The following PRDM8 variants were observed in gnomAD, a reference collection of about 807,000 sequenced individuals.
The protein encoded by PRDM8 is PR domain zinc finger protein 8.
A neutral mutation model predicts 46.5 loss-of-function variants in PRDM8; 13 were observed. That is an observed-to-expected ratio of 0.28 (90% CI 0.18 to 0.44). The LOEUF (loss-of-function observed/expected upper bound fraction) is 0.44, where lower values mean the gene tolerates loss of function less well. Among genes scored for constraint, PRDM8 ranks in the 20% least tolerant of loss-of-function variants. PRDM8 has a pLI of 1.00. For missense variants in PRDM8, 998 were observed against 955.0 expected (o/e 1.04, Z -0.59); for synonymous variants, 473 against 438.4 (o/e 1.08, Z -0.98).
intron 1 of PRDM8, 43 bp from the exon 2 acceptor site, chr4:80,200,036 C>A: frequency 1.3e-6 from 2 of 1,520,732 alleles, no homozygotes; most frequent in Non-Finnish European, 1.8e-6. Context: ...GCGTTAAAAG[C>A]AGTAACATAA....
intron 1 of PRDM8, among the ~76,000 whole-genome samples, chr4:80,187,469 C>T (rs1416765033): frequency 6.6e-6 from 1 of 152,102 alleles, no homozygotes; most frequent in African/African-American, 2.4e-5. Context: ...TGCTTCTCTA[C>T]TTTGAAAGGG....
chr4:80,190,615 T>C (rs555662559), intron 1 of PRDM8, among the ~76,000 whole-genome samples: 1 of 152,350 alleles, frequency 6.6e-6, no homozygotes, highest in East Asian at 1.9e-4. Flanking sequence ...TTTGCCAACA[T>C]TGAAGTCCGT....
rs978647534 is a variant in PRDM8 at position 80,201,867 on chromosome 4, T to C, written c.452-47T>C. ...AGTAATCATGTGGTGTGCGTGTGTG[T>C]GTGTGTGTGCGTGCGTGCGTGTGTG... On this transcript the variant is annotated intron_variant, in intron 3 of 3. Transcript: ENST00000415738. 3 of 1,605,860 alleles carry C rather than the reference T, an allele frequency of 1.9e-6. No homozygotes were observed. In the African/African-American group the frequency reaches 4.1e-5, roughly 22 times the overall value.
chr4:80,198,980 GTTTTTTTTTTTTTGTTT>G (rs1477873379), intron 1 of PRDM8, among the ~76,000 whole-genome samples: 101 of 104,224 alleles, frequency 9.7e-4, no homozygotes, highest in African/African-American at 3.1e-3. Context: ...GTTTTTTTGG[GTTTTTTTTTTTTTGTTT>G]TTTTTTTTTT....
At chr4:80,195,498 TTGTGTGTGTGTG>T (rs139174909), upstream of PRDM8, among the ~76,000 whole-genome samples, 4 of 149,938 alleles carry the variant, frequency 2.7e-5, no homozygotes, top group African/African-American at 9.8e-5. Context: ...TGTCCATACT[TTGTGTGTGTGTG>T]TGTGTGTGTG....
Position 80,201,901 on chromosome 4 carries a change from GCTCA to G in PRDM8, c.452-10_452-7del, listed in dbSNP as rs1387911449. On this transcript the variant is annotated splice_polypyrimidine_tract_variant and intron_variant, in intron 3 of 3. Transcript: ENST00000415738. ...GCGTGCGTGCGTGTGTGTGGTGTTT[GCTCA>G]CTAAGCAGGGTCGTCCCCTTACACA... The G allele has an allele frequency of 6.2e-7, 1 of 1,613,290 alleles. No individual in the cohort carries two copies. The highest frequency in any genetic ancestry group is 1.7e-5 in the Admixed American group (1 of 59,960).
upstream of PRDM8, chr4:80,196,547 C>A (rs1044060221): frequency 3.0e-5 from 30 of 985,306 alleles, no homozygotes; most frequent in Non-Finnish European, 3.6e-5. Context: ...CTCGGCAACT[C>A]CATCCCCTCC....
Position 80,202,035 on chromosome 4 carries a change from C to T in PRDM8, c.573C>T (p.Asp191=), listed in dbSNP as rs373210293. ...RLHSADISPQ[D]EQGGGVGTKD... The stretch of plus-strand genomic sequence containing the variant: ...ACAGCGCTGATATAAGTCCCCAAGA[C>T]GAACAAGGCGGCGGCGTGGGCACCA... Residue 191 remains aspartate, a synonymous_variant, in exon 4 of 4, where the codon GAC becomes GAT. Coordinates refer to ENST00000415738, the MANE Select transcript of PRDM8 (RefSeq NM_001099403.2). 33 of 1,614,012 alleles carry T rather than the reference C, an allele frequency of 2.0e-5. No homozygotes were observed. The highest frequency in any genetic ancestry group is 6.7e-5 in the African/African-American group (5 of 74,928).
chr4:80,195,902 TACAC>T (rs71662895), upstream of PRDM8: 30 of 149,340 alleles, frequency 2.0e-4, no homozygotes, highest in Non-Finnish European at 2.8e-4. Flanking sequence ...GAGAAGGAAA[TACAC>T]ACACACACAC....
upstream of PRDM8, chr4:80,197,148 GTCCAGC>G (rs1345557862): frequency 2.0e-6 from 2 of 985,412 alleles, no homozygotes; most frequent in African/African-American, 3.5e-5. Context: ...CGCGCTGGGT[GTCCAGC>G]TCTCTGTCAC....
At position 80,203,283 on chromosome 4, in the gene PRDM8, G is replaced by A. The variant is rs1361333573; in HGVS notation, c.1821G>A (p.Ser607=). The change falls in exon 4 of 4, where the codon TCG becomes TCA. Residue 607 remains serine, a synonymous_variant. Transcript: ENST00000415738. ...AAGPLQLQLP[S]ALTLLPPSFT... ...GGCCCTTGCAGCTGCAGCTGCCCTC[G>A]GCGCTCACGCTGCTGCCGCCCTCCT... 2.5e-6 allele frequency: 4 copies of A among 1,599,882 alleles called. No individual in the cohort carries two copies. The African/African-American group carries it at 5.4e-5, about 21-fold the overall frequency.
At chr4:80,193,382 T>C (rs1359390734), upstream of PRDM8, among the ~76,000 whole-genome samples, 2 of 152,078 alleles carry the variant, frequency 1.3e-5, no homozygotes, top group East Asian at 3.9e-4. Flanking sequence ...TCAGCAAGCA[T>C]GGCTCTTCTC....
At position 80,200,180 on chromosome 4, in the gene PRDM8, G is replaced by A. The variant is rs1738326455; in HGVS notation, c.100G>A (p.Asp34Asn). The A allele has an allele frequency of 1.9e-6, 3 of 1,613,982 alleles. No individual in the cohort carries two copies. Among genetic ancestry groups the A allele is most frequent in the Non-Finnish European group, 2.5e-6 (3 of 1,179,940 alleles). The change falls in exon 2 of 4, where the codon GAC (aspartate) becomes AAC (asparagine). Residue 34 changes from aspartate (D) to asparagine (N), a missense_variant. Asp to Asn is a conservative substitution (Grantham distance 23). Coordinates refer to ENST00000415738, the MANE Select transcript of PRDM8 (RefSeq NM_001099403.2). Reference sequence around the variant, plus strand: ...TTTTACCAGCGTTTACACCACCTGCGACATCCCTGAGAATGCTATATTTGG... The same window carrying A: ...TTTTACCAGCGTTTACACCACCTGCAACATCCCTGAGAATGCTATATTTGG... ...DIFTSVYTTCDIPENAIFGPC... is the reference protein window; with the variant it reads ...DIFTSVYTTCNIPENAIFGPC...
intron 1 of PRDM8, among the ~76,000 whole-genome samples, chr4:80,186,922 C>T (rs925836716): frequency 2.6e-5 from 4 of 152,188 alleles, no homozygotes; most frequent in Non-Finnish European, 4.4e-5. Flanking sequence ...GCTTCGGGAG[C>T]AGCAGTTATG....
intron 1 of PRDM8, chr4:80,189,851 T>C (rs899022803): frequency 1.3e-5 from 2 of 152,144 alleles, no homozygotes; most frequent in Non-Finnish European, 2.9e-5. Context: ...CTTGGGTCAG[T>C]TCTCCAGACT....
At position 80,200,159 on chromosome 4, in the gene PRDM8, A is replaced by G; in HGVS notation, c.79A>G (p.Thr27Ala). The G allele has an allele frequency of 6.2e-7, 1 of 1,614,170 alleles. No individual in the cohort carries two copies. Among genetic ancestry groups the G allele is most frequent in the Admixed American group, 1.7e-5 (1 of 60,028 alleles). The change falls in exon 2 of 4, where the codon ACC becomes GCC. Residue 27 changes from threonine (T) to alanine (A), a missense_variant. Physicochemically the swap from Thr to Ala is moderately conservative, Grantham distance 58 (BLOSUM62 0). Transcript: ENST00000415738. ...AVQQCLTDIFTSVYTTCDIPE... is the reference protein window; with the variant it reads ...AVQQCLTDIFASVYTTCDIPE... ...CCAACAATGTCTGACAGATATTTTT[A>G]CCAGCGTTTACACCACCTGCGACAT...
chr4:80,190,231 C>A (rs777869682), intron 1 of PRDM8: 2 of 152,230 alleles, frequency 1.3e-5, no homozygotes, highest in Non-Finnish European at 2.9e-5. Flanking sequence ...GCCCTTGGAA[C>A]GCCTTTCCGC....
At position 80,202,979 on chromosome 4, in the gene PRDM8, GCT is replaced by G; in HGVS notation, c.1520_1521del (p.Ser507PhefsTer64). On this transcript the variant is annotated frameshift_variant, in exon 4 of 4. Transcript: ENST00000415738. LOFTEE classifies it high-confidence loss of function. ...AAAAGCGCCTTCTCGCAGCCAGCACGCTCTTTCTCGCAGCTGTCCCCGCTGGT... is the reference window on the plus strand; with the variant it reads ...AAAAGCGCCTTCTCGCAGCCAGCACGCTTTCTCGCAGCTGTCCCCGCTGGT... The G allele has an allele frequency of 6.7e-7, 1 of 1,502,334 alleles. No homozygotes were observed. Among genetic ancestry groups the G allele is most frequent in the Non-Finnish European group, 8.8e-7 (1 of 1,134,174 alleles). The allele number at this position is 1,502,334 out of a possible 1,614,324, so 93.1% of individuals were successfully genotyped here.
At chr4:80,192,669 C>A (rs116387762), upstream of PRDM8, among the ~76,000 whole-genome samples, 6 of 152,284 alleles carry the variant, frequency 3.9e-5, no homozygotes, top group Middle Eastern at 3.4e-3. Context: ...AAAATCCAAG[C>A]CTTTTCTTGC....
Sources: allele counts gnomAD v4.1 joint callset (sites outside exome capture counted in the v4.1 genomes callset), GRCh38; gene constraint gnomAD v4.1.1; transcripts MANE v1.5; gene names NCBI Gene and HGNC (gene_info 2026-07-23, HGNC 2026-07-21).